TPPP: variants seen among roughly 807,000 people sequenced by gnomAD.
The protein encoded by TPPP is tubulin polymerization-promoting protein.
Under a neutral mutation model 15.5 loss-of-function variants are expected in TPPP, and 6 were observed. The observed-to-expected ratio is 0.39, with a 90% CI of 0.21 to 0.77. The LOEUF is 0.77. Among genes scored for constraint, TPPP ranks in the 30% least tolerant of loss-of-function variants. The pLI is 0.42. For missense variants in TPPP, 269 were observed against 307.2 expected, an observed-to-expected ratio of 0.88 and a Z score of 0.93; for synonymous variants, 146 against 133.9, an observed-to-expected ratio of 1.09 and a Z score of -0.63.
intron 2 of TPPP, among the ~76,000 whole-genome samples, chr5:673,907 C>T (rs924296059): frequency 6.6e-6 from 1 of 152,254 alleles, no homozygotes; most frequent in African/African-American, 2.4e-5. Context: ...CCCAGCCCCA[C>T]CCACCGCAGG....
chr5:665,288 G>A lies in TPPP; in HGVS notation c.474C>T (p.Ile158=), dbSNP rs1739849969. ...APIISGVTKA[I]SSPTVSRLTD... is the part of the protein sequence containing the mutation. ...TGAGCCTCGACACTGTGGGCGACGAGATGGCTTTCTGCAAGAGGAGCAGGA... is the reference window on the plus strand; with the variant it reads ...TGAGCCTCGACACTGTGGGCGACGAAATGGCTTTCTGCAAGAGGAGCAGGA... Residue 158 remains isoleucine (I), a synonymous_variant, in exon 4 of 4, where the codon ATC becomes ATT. Coordinates refer to ENST00000360578, the MANE Select transcript of TPPP (RefSeq NM_007030.3). 3.7e-6 allele frequency: 6 copies of A among 1,612,790 alleles called. No homozygotes were observed. The highest frequency in any genetic ancestry group is 1.1e-5 in the South Asian group (1 of 90,992).
intron 2 of TPPP, among the ~76,000 whole-genome samples, chr5:672,602 C>A (rs552147844): frequency 1.3e-5 from 2 of 152,344 alleles, no homozygotes; most frequent in East Asian, 3.9e-4. Flanking sequence ...GTGTTTGGTG[C>A]AGTTGGGGAG....
At chr5:684,326 C>T (rs753503983) in intron 1 of TPPP, among the ~76,000 whole-genome samples, 4 of 152,328 alleles carry the variant, frequency 2.6e-5, no homozygotes, top group East Asian at 3.9e-4. Context: ...ACCTTGTAGG[C>T]GCCTGGCCAG....
Position 663,324 on chromosome 5 carries a change from T to G in TPPP, c.*1778A>C, listed in dbSNP as rs919318962. 6.6e-6 allele frequency: 1 copy of G among 152,474 alleles called. No individual in the cohort carries two copies. Among genetic ancestry groups the G allele is most frequent in the African/African-American group, 2.4e-5 (1 of 41,468 alleles). The allele number at this position is 152,474 out of a possible 1,614,324, so 9.4% of individuals were successfully genotyped here. On this transcript the variant is annotated 3_prime_UTR_variant, in exon 4 of 4. Transcript: ENST00000360578. ...TTCAGCGGGGGCACAGGGCTGGGCT[T>G]GGGCACCCCCCGCCTTCCCCAGGCC...
In TPPP at chr5:666,092, G is replaced by C. The variant is rs1282985175; in HGVS notation, c.343C>G (p.Gln115Glu). 6.2e-7 allele frequency: 1 copy of C among 1,611,786 alleles called. No individual in the cohort carries two copies. The change falls in exon 3 of 4, where the codon CAG becomes GAG. Residue 115 changes from glutamine (Q) to glutamate (E), a missense_variant. By Grantham distance (29) the Gln-to-Glu change is conservative. Coordinates refer to ENST00000360578, the MANE Select transcript of TPPP (RefSeq NM_007030.3). ...AGCTCCTCCAGCGCCTCCTGGAACTGCTCAAAGGTGATGGTCCGGCAAGAC... is the reference window on the plus strand; with the variant it reads ...AGCTCCTCCAGCGCCTCCTGGAACTCCTCAAAGGTGATGGTCCGGCAAGAC... Reference protein sequence around the residue: ...GKSCRTITFEQFQEALEELAK... With the variant: ...GKSCRTITFEEFQEALEELAK...
At chr5:672,708 C>G (rs1434561510) in intron 2 of TPPP, among the ~76,000 whole-genome samples, 1 of 152,228 alleles carries the variant, frequency 6.6e-6, no homozygotes, top group Non-Finnish European at 1.5e-5. Context: ...CTGTCCATGG[C>G]TCTACCGGGC....
chr5:683,856 C>T (rs1370346169), intron 1 of TPPP, among the ~76,000 whole-genome samples: 8 of 152,254 alleles, frequency 5.3e-5, no homozygotes, highest in Non-Finnish European at 1.2e-4. Flanking sequence ...TCTCCATGGG[C>T]AGATTCCCCT....
the TPPP span, among the ~76,000 whole-genome samples, chr5:700,652 C>T: frequency 2.0e-5 from 3 of 151,478 alleles, no homozygotes; most frequent in African/African-American, 7.3e-5. Flanking sequence ...TACCTGCATC[C>T]CTGAATAAGG....
At chr5:668,447 C>T (rs538406052) in intron 2 of TPPP, among the ~76,000 whole-genome samples, 120 of 127,912 alleles carry the variant, frequency 9.4e-4, no homozygotes, top group Non-Finnish European at 1.7e-3. Flanking sequence ...CAGGGAAGTG[C>T]GGACAAGCAC....
At chr5:676,218 C>G (rs760557945) in intron 2 of TPPP, 1 of 152,272 alleles carries the variant, frequency 6.6e-6, no homozygotes, top group African/African-American at 2.4e-5. Context: ...CACTCAGATG[C>G]GCCGTACACA....
Position 665,196 on chromosome 5 carries a change from T to C in TPPP, c.566A>G (p.Lys189Arg). 6.2e-7 allele frequency: 1 copy of C among 1,611,312 alleles called. No homozygotes were observed. The highest frequency in any genetic ancestry group is 8.5e-7 in the Non-Finnish European group (1 of 1,177,932). The change falls in exon 4 of 4, where the codon AAG becomes AGG. Residue 189 changes from lysine to arginine, a missense_variant. Transcript: ENST00000360578. ...GTCCACCAGATCCACGCGGCCAGCC[T>C]TGCCCTTGCCCTTGCCAGAGGGGTC... is the stretch of plus-strand genomic sequence containing the variant. ...RFDPSGKGKGKAGRVDLVDES... is the reference protein window; with the variant it reads ...RFDPSGKGKGRAGRVDLVDES...
chr5:693,489 C>T (rs563400757), upstream of TPPP: 88 of 108,360 alleles, frequency 8.1e-4, 2 homozygotes, highest in South Asian at 0.021. Flanking sequence ...GCAGCCCCGC[C>T]CCCGCCGCCC....
At chr5:676,877 T>TGCACACACGACGCAGAAACGCGCACGCGC (rs1740457787) in intron 2 of TPPP, among the ~76,000 whole-genome samples, 1 of 127,628 alleles carries the variant, frequency 7.8e-6, no homozygotes, top group East Asian at 2.2e-4. Flanking sequence ...CGCAGAAACA[T>TGCACACACGACGCAGAAACGCGCACGCGC]GCACACACGA....
intron 2 of TPPP, among the ~76,000 whole-genome samples, chr5:672,784 C>G (rs551132049): frequency 6.6e-5 from 10 of 152,386 alleles, no homozygotes; most frequent in Non-Finnish European, 1.0e-4. Context: ...TATTTTAAAG[C>G]TGCCACCGCA....
At chr5:694,198 G>A (rs1469452219), upstream of TPPP, among the ~76,000 whole-genome samples, 3 of 151,632 alleles carry the variant, frequency 2.0e-5, 1 homozygote, top group Non-Finnish European at 4.4e-5. Flanking sequence ...CATTCCGCCC[G>A]GGGCTGCCCG....
At position 661,661 on chromosome 5, in the gene TPPP, T is replaced by G. The variant is rs557254090; in HGVS notation, c.*3441A>C. On this transcript the variant is annotated 3_prime_UTR_variant, in exon 4 of 4. Coordinates refer to ENST00000360578, the MANE Select transcript of TPPP (RefSeq NM_007030.3). ...AGATGCACGGGTCTGTTATGTGCAG[T>G]GGGGCTGCCGTCCAAACAATGTTCT... is the stretch of plus-strand genomic sequence containing the variant. 1 of 152,528 alleles carries G rather than the reference T, an allele frequency of 6.6e-6. No individual in the cohort carries two copies. The highest frequency in any genetic ancestry group is 6.5e-5 in the Admixed American group (1 of 15,308). The allele number at this position is 152,528 out of a possible 1,614,324, so 9.4% of individuals were successfully genotyped here.
At chr5:669,490 G>A (rs1042403333) in intron 2 of TPPP, among the ~76,000 whole-genome samples, 7 of 152,092 alleles carry the variant, frequency 4.6e-5, no homozygotes, top group Admixed American at 1.3e-4. Context: ...GGCCCTTGGG[G>A]CCTCTGTCTG....
intron 1 of TPPP, among the ~76,000 whole-genome samples, chr5:678,531 C>T (rs879823679): frequency 2.1e-5 from 3 of 142,914 alleles, no homozygotes; most frequent in South Asian, 2.1e-4. Flanking sequence ...GGGTCTGTGA[C>T]GTGCTGCCTT....
At chr5:692,472 C>T (rs2126917217) in intron 1 of TPPP, 1 of 813,880 alleles carries the variant, frequency 1.2e-6, no homozygotes, top group African/African-American at 1.9e-5. Flanking sequence ...AAACAGCAGC[C>T]CCCCAAACCC....
Sources: allele counts gnomAD v4.1 joint callset (sites outside exome capture counted in the v4.1 genomes callset), GRCh38; gene constraint gnomAD v4.1.1; transcripts MANE v1.5; gene names NCBI Gene and HGNC (gene_info 2026-07-23, HGNC 2026-07-21).